The following SORCS1 variants were observed in gnomAD, a reference collection of about 807,000 sequenced individuals.
SORCS1 encodes sortilin related VPS10 domain containing receptor 1, also known as VPS10 domain-containing receptor SorCS1.
In SORCS1, 60 loss-of-function variants were observed where a neutral mutation model predicts 146.1. That is an observed-to-expected ratio of 0.41 (90% CI 0.33 to 0.51). SORCS1 has a LOEUF of 0.51. SORCS1 is among the 20% of genes least tolerant of loss of function. The pLI is 0.21. For synonymous variants in SORCS1, 637 were observed against 584.0 expected, an observed-to-expected ratio of 1.09 and a Z score of -1.31; for missense variants, 1,352 against 1,487.6, an observed-to-expected ratio of 0.91 and a Z score of 1.50.
At chr10:106,973,317 G>A (rs1955867855) in intron 1 of SORCS1, among the ~76,000 whole-genome samples, 1 of 152,184 alleles carries the variant, frequency 6.6e-6, no homozygotes, top group African/African-American at 2.4e-5. Context: ...GAATGGGTAA[G>A]TATGTCCCTG....
intron 1 of SORCS1, among the ~76,000 whole-genome samples, chr10:107,153,773 T>C (rs1969038097): frequency 6.6e-6 from 1 of 152,210 alleles, no homozygotes; most frequent in Non-Finnish European, 1.5e-5. Context: ...TTTATTTTCA[T>C]TTTAAAATAA....
At chr10:106,686,105 T>C (rs1323007982) in intron 10 of SORCS1, among the ~76,000 whole-genome samples, 1 of 152,046 alleles carries the variant, frequency 6.6e-6, no homozygotes, top group Non-Finnish European at 1.5e-5. Context: ...ATAAAGTTGA[T>C]TTTTTAAAAA....
chr10:106,637,830 G>T (rs1848816249), intron 18 of SORCS1, among the ~76,000 whole-genome samples: 1 of 152,184 alleles, frequency 6.6e-6, no homozygotes, highest in African/African-American at 2.4e-5. Context: ...CCCAGATCAA[G>T]GCATTCCAAT....
chr10:106,793,270 G>C (rs1249406844), intron 3 of SORCS1, among the ~76,000 whole-genome samples: 1 of 152,196 alleles, frequency 6.6e-6, no homozygotes. Context: ...AACAGAATAA[G>C]TAGGAAAGAT....
intron 2 of SORCS1, among the ~76,000 whole-genome samples, chr10:106,889,349 G>A (rs1951129162): frequency 6.6e-6 from 1 of 152,120 alleles, no homozygotes; most frequent in Non-Finnish European, 1.5e-5. Context: ...CCCCAAATGT[G>A]CTCCACTGAC....
chr10:106,988,544 CT>C (rs916507577), intron 1 of SORCS1, among the ~76,000 whole-genome samples: 62 of 146,748 alleles, frequency 4.2e-4, no homozygotes, highest in Admixed American at 1.0e-3. Context: ...AATATTCTTA[CT>C]TTTTTTTTTT....
intron 18 of SORCS1, among the ~76,000 whole-genome samples, chr10:106,635,693 A>T (rs1174735307): frequency 6.6e-6 from 1 of 152,204 alleles, no homozygotes; most frequent in Non-Finnish European, 1.5e-5. Flanking sequence ...ATATTTAAAT[A>T]TGGGTTAAGT....
chr10:106,961,379 GGT>G (rs939898184), intron 1 of SORCS1, among the ~76,000 whole-genome samples: 1 of 152,122 alleles, frequency 6.6e-6, no homozygotes, highest in Non-Finnish European at 1.5e-5. Flanking sequence ...ACACCTTCCT[GGT>G]AATCTGGTTC....
intron 2 of SORCS1, among the ~76,000 whole-genome samples, chr10:106,838,495 T>A (rs1389006041): frequency 6.6e-6 from 1 of 152,184 alleles, no homozygotes; most frequent in Admixed American, 6.5e-5. Flanking sequence ...ATACATTCCA[T>A]GGGTTCTGAC....
chr10:106,998,003 T>C (rs999792398), intron 1 of SORCS1, among the ~76,000 whole-genome samples: 1 of 152,212 alleles, frequency 6.6e-6, no homozygotes, highest in Non-Finnish European at 1.5e-5. Context: ...CACTGTCTGC[T>C]TCTAATTAAG....
chr10:106,687,355 G>A (rs1336925228), intron 10 of SORCS1, among the ~76,000 whole-genome samples: 4 of 152,062 alleles, frequency 2.6e-5, no homozygotes, highest in Non-Finnish European at 4.4e-5. Flanking sequence ...TCTATATACT[G>A]CCCAAATGTA....
In SORCS1 at chr10:106,675,158, T is replaced by A; in HGVS notation, c.1833-2A>T. 1 of 1,605,116 alleles carries A rather than the reference T, an allele frequency of 6.2e-7. No individual in the cohort carries two copies. The highest frequency in any genetic ancestry group is 8.5e-7 in the Non-Finnish European group (1 of 1,173,444). On this transcript the variant is annotated splice_acceptor_variant, in intron 13 of 25. Coordinates refer to ENST00000263054, the MANE Select transcript of SORCS1 (RefSeq NM_052918.5). LOFTEE classifies it high-confidence loss of function. The stretch of plus-strand genomic sequence containing the variant: ...GATCTCCCTTCATCAAAACTCAACC[T>A]AATGATATAAAAAATATCAGTCATC...
intron 23 of SORCS1, among the ~76,000 whole-genome samples, chr10:106,605,541 C>T (rs1846516126): frequency 6.6e-6 from 1 of 152,192 alleles, no homozygotes. Flanking sequence ...ATGTTCCTAT[C>T]TAAAGGCTTT....
intron 2 of SORCS1, among the ~76,000 whole-genome samples, chr10:106,869,733 T>C (rs1302569575): frequency 6.6e-6 from 1 of 152,134 alleles, no homozygotes; most frequent in Non-Finnish European, 1.5e-5. Context: ...ACAGCCAACA[T>C]CATACTGAAT....
chr10:106,688,424 G>C, intron 9 of SORCS1, 86 bp from the exon 10 acceptor site: 1 of 1,493,580 alleles, frequency 6.7e-7, no homozygotes, highest in East Asian at 2.3e-5. Flanking sequence ...GGCTGTCAAA[G>C]TCAGCTGAGA....
chr10:106,978,817 A>G (rs1341754302), intron 1 of SORCS1, among the ~76,000 whole-genome samples: 4 of 151,848 alleles, frequency 2.6e-5, no homozygotes, highest in African/African-American at 9.7e-5. Context: ...AAAAAAGACT[A>G]AATAGTAAGT....
At chr10:106,968,044 G>GAAA (rs34595773) in intron 1 of SORCS1, among the ~76,000 whole-genome samples, 1 of 127,916 alleles carries the variant, frequency 7.8e-6, no homozygotes, top group Non-Finnish European at 1.7e-5. Context: ...CTCTACTAAA[G>GAAA]AAAAAAAAAA....
chr10:107,045,781 C>CTTTTT (rs1313801610), intron 1 of SORCS1, among the ~76,000 whole-genome samples: 1 of 130,160 alleles, frequency 7.7e-6, no homozygotes, highest in Non-Finnish European at 1.7e-5. Flanking sequence ...TATATATCTT[C>CTTTTT]TTTTTTTTTT....
intron 1 of SORCS1, among the ~76,000 whole-genome samples, chr10:107,028,896 G>T (rs780427493): frequency 4.6e-5 from 7 of 152,172 alleles, no homozygotes; most frequent in Non-Finnish European, 1.0e-4. Context: ...AATCTCGCTT[G>T]ACTTCTCTTT....
Sources: gnomAD v4.1 joint callset for allele counts (sites outside exome capture counted in the v4.1 genomes callset) on GRCh38, gnomAD v4.1.1 for gene constraint, MANE v1.5 for transcripts, NCBI Gene and HGNC (gene_info 2026-07-23, HGNC 2026-07-21) for gene names.